The following DTNA variants were observed in gnomAD, a reference collection of about 807,000 sequenced individuals.
The protein encoded by DTNA is dystrobrevin alpha, also known as dystrophin-related protein 3.
In DTNA, 43 loss-of-function variants were observed where a neutral mutation model predicts 100.7. The ratio of observed to expected loss-of-function variants is 0.43; its 90% CI spans 0.33 to 0.55. The LOEUF is 0.55. DTNA is among the 20% of genes least tolerant of loss of function. The probability of loss-of-function intolerance (pLI) is 0.04; values close to 1 mark genes in which losing one functional copy is unlikely to be tolerated. For synonymous variants in DTNA, 349 were observed against 347.9 expected (o/e 1.00, Z -0.04); for missense variants, 798 against 953.9 (o/e 0.84, Z 2.15).
rs138583229 is a variant in DTNA at position 34,647,459 on chromosome 18, G to T, written c.-1-108517G>T. Among the ~76,000 whole-genome samples, 276 of 152,234 alleles carry T rather than the reference G, an allele frequency of 1.8e-3. 2 individuals carry two copies. Among genetic ancestry groups the T allele is most frequent in the African/African-American group, 6.2e-3 (258 of 41,544 alleles). The stretch of plus-strand genomic sequence containing the variant: ...AGGAGCAGGCGCCTAGAAGTACCTC[G>T]TATCACCTTTGTTCACAGCCCATTG... On this transcript the variant is annotated intron_variant, in intron 1 of 19. Transcript: ENST00000283365.
intron 17 of DTNA, 145 bp downstream of exon 17, chr18:34,864,207 T>A: frequency 1.4e-6 from 1 of 704,722 alleles, no homozygotes; most frequent in South Asian, 1.7e-5. Context: ...AAACAATTTG[T>A]TAGACCAGTG....
intron 1 of DTNA, among the ~76,000 whole-genome samples, chr18:34,702,536 C>T (rs987629059): frequency 1.3e-5 from 2 of 152,110 alleles, no homozygotes; most frequent in Admixed American, 6.5e-5. Flanking sequence ...TTAGAACTTG[C>T]TTCCCCCACA....
chr18:34,706,860 C>G (rs992733726), upstream of DTNA, among the ~76,000 whole-genome samples: 2 of 152,136 alleles, frequency 1.3e-5, no homozygotes, highest in African/African-American at 4.8e-5. Context: ...TTTTTTAGGT[C>G]AGCTGCTCAA....
At chr18:34,504,641 A>G (rs924196022) in intron 1 of DTNA, among the ~76,000 whole-genome samples, 3 of 152,210 alleles carry the variant, frequency 2.0e-5, no homozygotes, top group African/African-American at 7.2e-5. Flanking sequence ...TTCTTAAAGC[A>G]ATTGAAATAT....
At chr18:34,593,997 A>G (rs2050070132) in intron 1 of DTNA, among the ~76,000 whole-genome samples, 1 of 152,228 alleles carries the variant, frequency 6.6e-6, no homozygotes, top group Non-Finnish European at 1.5e-5. Flanking sequence ...AAGGTGGCTT[A>G]AACTGCGTAA....
At chr18:34,784,983 G>A (rs2094460036) in intron 3 of DTNA, among the ~76,000 whole-genome samples, 1 of 151,158 alleles carries the variant, frequency 6.6e-6, no homozygotes, top group Non-Finnish European at 1.5e-5. Flanking sequence ...GCCCAGGCTG[G>A]AGTGCAGTGG....
In DTNA at chr18:34,620,027, AC is replaced by A. The variant is rs372851984; in HGVS notation, c.-2+126514del. Among the ~76,000 whole-genome samples, 742 of 152,294 alleles carry A rather than the reference AC, an allele frequency of 4.9e-3. 5 individuals are homozygous for A. The highest frequency in any genetic ancestry group is 0.016 in the African/African-American group (649 of 41,576). On this transcript the variant is annotated intron_variant, in intron 1 of 19. Transcript: ENST00000283365. ...TGGTTTTACCAAAACCAAGGGAAGA[AC>A]TTTTTTCAGGGAGTACTGCAAGTGG...
At chr18:34,813,847 A>C (rs979404946) in intron 6 of DTNA, among the ~76,000 whole-genome samples, 122 of 151,462 alleles carry the variant, frequency 8.1e-4, no homozygotes, top group Admixed American at 1.9e-3. Flanking sequence ...ATCTCAAAAA[A>C]AAAAAAAAAA....
At chr18:34,687,244 T>G (rs2079033650) in intron 1 of DTNA, among the ~76,000 whole-genome samples, 1 of 152,182 alleles carries the variant, frequency 6.6e-6, no homozygotes, top group South Asian at 2.1e-4. Context: ...AAGGTGTCAA[T>G]TTTAGCTCTT....
intron 11 of DTNA, 105 bp downstream of exon 11, chr18:34,829,594 G>T: frequency 8.5e-7 from 1 of 1,172,746 alleles, no homozygotes; most frequent in Non-Finnish European, 1.1e-6. Flanking sequence ...ACGTCTTATT[G>T]GAGATAGAGG....
At chr18:34,642,077 C>T (rs1363796804) in intron 1 of DTNA, among the ~76,000 whole-genome samples, 1 of 152,160 alleles carries the variant, frequency 6.6e-6, no homozygotes, top group Non-Finnish European at 1.5e-5. Flanking sequence ...ATTGATTATT[C>T]ACTGGATATG....
At chr18:34,558,344 TGG>T (rs1378183677) in intron 1 of DTNA, among the ~76,000 whole-genome samples, 1 of 152,194 alleles carries the variant, frequency 6.6e-6, no homozygotes, top group Non-Finnish European at 1.5e-5. Context: ...TCGCTCACCC[TGG>T]GAGCTGTAGA....
chr18:34,599,549 T>C (rs1156384397), intron 1 of DTNA, among the ~76,000 whole-genome samples: 2 of 152,228 alleles, frequency 1.3e-5, no homozygotes, highest in African/African-American at 4.8e-5. Flanking sequence ...ATTTTTTTCT[T>C]TTTTGTTGTT....
At chr18:34,860,712 C>G (rs193237839) in intron 16 of DTNA, among the ~76,000 whole-genome samples, 1 of 152,284 alleles carries the variant, frequency 6.6e-6, no homozygotes, top group Non-Finnish European at 1.5e-5. Flanking sequence ...GATCATGTTT[C>G]CCTTTCCCTT....
chr18:34,616,001 A>G (rs993903252), intron 1 of DTNA, among the ~76,000 whole-genome samples: 1 of 152,126 alleles, frequency 6.6e-6, no homozygotes, highest in Non-Finnish European at 1.5e-5. Flanking sequence ...ATGGAGACCT[A>G]GGTTGATTTC....
chr18:34,787,263 T>C (rs2148910892), intron 3 of DTNA, among the ~76,000 whole-genome samples: 1 of 152,360 alleles, frequency 6.6e-6, no homozygotes, highest in African/African-American at 2.4e-5. Context: ...AAGTTTATAA[T>C]CAGTGGTTGT....
intron 13 of DTNA, among the ~76,000 whole-genome samples, chr18:34,842,890 T>C (rs1178998428): frequency 6.6e-6 from 1 of 152,100 alleles, no homozygotes; most frequent in Non-Finnish European, 1.5e-5. Context: ...GTTGGCTGAC[T>C]GGTTAGTTGG....
chr18:34,878,996 A>G (rs1355600108), intron 19 of DTNA, among the ~76,000 whole-genome samples: 2 of 152,274 alleles, frequency 1.3e-5, no homozygotes, highest in Non-Finnish European at 2.9e-5. Context: ...ATAAAAAGAT[A>G]GTAGTTAATA....
intron 5 of DTNA, among the ~76,000 whole-genome samples, chr18:34,808,697 A>T (rs2149285682): frequency 6.6e-6 from 1 of 152,314 alleles, no homozygotes; most frequent in Admixed American, 6.5e-5. Flanking sequence ...AGTTCAAAGG[A>T]AACAGTATAA....
Sources: gnomAD v4.1 joint callset for allele counts (sites outside exome capture counted in the v4.1 genomes callset) on GRCh38, gnomAD v4.1.1 for gene constraint, MANE v1.5 for transcripts, NCBI Gene and HGNC (gene_info 2026-07-23, HGNC 2026-07-21) for gene names.